The following BTBD9 variants were observed in gnomAD, a reference collection of about 807,000 sequenced individuals.
The protein encoded by BTBD9 is BTB/POZ domain-containing protein 9.
In BTBD9, 49 loss-of-function variants were observed where a neutral mutation model predicts 64.3. That is an observed-to-expected ratio of 0.76 (90% CI 0.61 to 0.97). The LOEUF is 0.97. BTBD9 is among the 50% of genes least tolerant of loss of function. The pLI, the probability that BTBD9 is intolerant of heterozygous loss-of-function variation, is 0.00. For missense variants in BTBD9, 598 were observed against 762.1 expected, an observed-to-expected ratio of 0.78 and a Z score of 2.53; for synonymous variants, 260 against 274.7, an observed-to-expected ratio of 0.95 and a Z score of 0.53.
At chr6:38,199,897 G>A (rs1350288599) in intron 9 of BTBD9, among the ~76,000 whole-genome samples, 1 of 152,230 alleles carries the variant, frequency 6.6e-6, no homozygotes, top group Non-Finnish European at 1.5e-5. Flanking sequence ...CTGGGCTGCT[G>A]CCCCTAAACT....
chr6:38,458,728 G>A (rs181655131), intron 6 of BTBD9, among the ~76,000 whole-genome samples: 72 of 152,254 alleles, frequency 4.7e-4, no homozygotes, highest in Non-Finnish European at 8.2e-4. Flanking sequence ...TCACTTTGTG[G>A]TCAGAAGCAA....
At chr6:38,345,880 A>G (rs1047807442) in intron 6 of BTBD9, among the ~76,000 whole-genome samples, 3 of 152,220 alleles carry the variant, frequency 2.0e-5, no homozygotes, top group African/African-American at 2.4e-5. Context: ...CCTTGGAGTA[A>G]CTTGCTCTCT....
At chr6:38,455,769 C>T (rs961437611) in intron 6 of BTBD9, among the ~76,000 whole-genome samples, 4 of 152,144 alleles carry the variant, frequency 2.6e-5, no homozygotes, top group South Asian at 2.1e-4. Flanking sequence ...AGTGCAATGG[C>T]GCGATCTCGG....
chr6:38,617,083 T>C (rs1777817869), intron 1 of BTBD9, among the ~76,000 whole-genome samples: 1 of 152,280 alleles, frequency 6.6e-6, no homozygotes, highest in East Asian at 1.9e-4. Flanking sequence ...TAAAAGTGAC[T>C]AGTGCGGCCA....
chr6:38,369,643 G>A (rs1023325857), intron 6 of BTBD9, among the ~76,000 whole-genome samples: 1 of 152,244 alleles, frequency 6.6e-6, no homozygotes, highest in Non-Finnish European at 1.5e-5. Flanking sequence ...CACAGAAGAA[G>A]AGAGATAGGT....
In BTBD9 at chr6:38,580,157, G is replaced by A. The variant is rs190751047; in HGVS notation, c.1034+61C>T. 369 of 1,485,602 alleles carry A rather than the reference G, an allele frequency of 2.5e-4. 1 individual carries two copies. In the African/African-American group the frequency reaches 4.4e-3, roughly 18 times the overall value. The allele number at this position is 1,485,602 out of a possible 1,614,324, so 92.0% of individuals were successfully genotyped here. On this transcript the variant is annotated intron_variant, in intron 5 of 10. Transcript: ENST00000481247. Reference sequence around the variant, plus strand: ...TCATATCTGTAAAACAAAAGTAGATGACCACAAAGCTAAGTCATCTCAAAC... The same window carrying A: ...TCATATCTGTAAAACAAAAGTAGATAACCACAAAGCTAAGTCATCTCAAAC...
intron 6 of BTBD9, among the ~76,000 whole-genome samples, chr6:38,537,280 A>G (rs1244730017): frequency 6.6e-6 from 1 of 152,258 alleles, no homozygotes; most frequent in African/African-American, 2.4e-5. Flanking sequence ...GCATCAGACT[A>G]CAATAGCCAT....
At chr6:38,435,636 C>T (rs1768689697) in intron 6 of BTBD9, among the ~76,000 whole-genome samples, 1 of 109,222 alleles carries the variant, frequency 9.2e-6, no homozygotes, top group Non-Finnish European at 1.8e-5. Context: ...CTCCCTTCCT[C>T]CCTCCCTCCT....
chr6:38,197,226 C>G (rs1005689671), intron 9 of BTBD9, among the ~76,000 whole-genome samples: 2 of 152,184 alleles, frequency 1.3e-5, no homozygotes, highest in Admixed American at 6.5e-5. Context: ...GGCAGCCAGG[C>G]AATCTGAATC....
intron 6 of BTBD9, among the ~76,000 whole-genome samples, chr6:38,411,659 G>T (rs1343522495): frequency 6.6e-6 from 1 of 152,116 alleles, no homozygotes; most frequent in Non-Finnish European, 1.5e-5. Context: ...AAAAATGCCA[G>T]GTGTAGTGAC....
Position 38,352,813 on chromosome 6 carries a change from G to A in BTBD9, c.1155-7720C>T, listed in dbSNP as rs989020410. On this transcript the variant is annotated intron_variant, in intron 6 of 10. Coordinates refer to ENST00000481247, the MANE Select transcript of BTBD9 (RefSeq NM_001099272.2). ...AGGAGAATTAATTCTCTTCCTACCC[G>A]CTCTTCCCAACTCATGATCACTGAT... is the stretch of plus-strand genomic sequence containing the variant. Among the ~76,000 whole-genome samples, 5 of 152,116 alleles carry A rather than the reference G, an allele frequency of 3.3e-5. No homozygotes were observed. The East Asian group carries it at 5.8e-4, about 18-fold the overall frequency.
chr6:38,273,776 G>A (rs377504966), intron 8 of BTBD9, among the ~76,000 whole-genome samples: 2 of 152,306 alleles, frequency 1.3e-5, no homozygotes, highest in African/African-American at 4.8e-5. Flanking sequence ...GGTATCCAAG[G>A]AGAGAAAAGG....
At chr6:38,179,236 A>G in intron 10 of BTBD9, 1 of 342,544 alleles carries the variant, frequency 2.9e-6, no homozygotes, top group South Asian at 2.3e-5. Context: ...AATTCAAATA[A>G]CAAGTATTTT....
intron 9 of BTBD9, among the ~76,000 whole-genome samples, chr6:38,194,187 G>A (rs1196658664): frequency 1.3e-5 from 2 of 152,100 alleles, no homozygotes; most frequent in Non-Finnish European, 2.9e-5. Context: ...GGTTTCCACA[G>A]GCCTAGCTGT....
intron 6 of BTBD9, among the ~76,000 whole-genome samples, chr6:38,573,804 A>AC (rs1296143414): frequency 3.9e-5 from 6 of 152,190 alleles, no homozygotes; most frequent in African/African-American, 1.2e-4. Context: ...TTTTAAGAGC[A>AC]CCCCCCAGAG....
intron 9 of BTBD9, among the ~76,000 whole-genome samples, chr6:38,210,361 C>G (rs960799166): frequency 3.9e-5 from 6 of 152,190 alleles, no homozygotes; most frequent in Admixed American, 1.3e-4. Flanking sequence ...AAATCACTTT[C>G]TCGGCTCAAA....
chr6:38,298,494 T>A (rs891808060), intron 7 of BTBD9, among the ~76,000 whole-genome samples: 1 of 152,210 alleles, frequency 6.6e-6, no homozygotes, highest in African/African-American at 2.4e-5. Context: ...GTTGTTTCTA[T>A]GTACTGAAAA....
At chr6:38,351,579 G>A (rs554691280) in intron 6 of BTBD9, among the ~76,000 whole-genome samples, 27 of 126,586 alleles carry the variant, frequency 2.1e-4, no homozygotes, top group African/African-American at 8.1e-4. Flanking sequence ...TCAGCTCACT[G>A]CAAGCTCCGC....
chr6:38,311,566 T>C (rs1052932961), intron 7 of BTBD9, among the ~76,000 whole-genome samples: 1 of 152,220 alleles, frequency 6.6e-6, no homozygotes, highest in African/African-American at 2.4e-5. Context: ...CGTTTCAATA[T>C]ACTGATTTCC....
Sources: gnomAD v4.1 joint callset for allele counts (sites outside exome capture counted in the v4.1 genomes callset) on GRCh38, gnomAD v4.1.1 for gene constraint, MANE v1.5 for transcripts, NCBI Gene and HGNC (gene_info 2026-07-23, HGNC 2026-07-21) for gene names.